ADK: variants seen among roughly 807,000 people sequenced by gnomAD.
The protein encoded by ADK is adenosine kinase, also known as N6,N6-dimethyladenosine kinase.
In ADK, 24 loss-of-function variants were observed where a neutral mutation model predicts 44.7. The observed-to-expected ratio is 0.54, with a 90% CI of 0.39 to 0.76. ADK has a LOEUF of 0.76. ADK is among the 30% of genes least tolerant of loss of function. The probability of loss-of-function intolerance (pLI) is 0.00; values close to 1 mark genes in which losing one functional copy is unlikely to be tolerated. For synonymous variants in ADK, 128 were observed against 142.6 expected, an observed-to-expected ratio of 0.90 and a Z score of 0.73; for missense variants, 321 against 425.1, an observed-to-expected ratio of 0.76 and a Z score of 2.15.
At chr10:74,685,992 C>CG (rs1278495001) in intron 10 of ADK, among the ~76,000 whole-genome samples, 2 of 151,820 alleles carry the variant, frequency 1.3e-5, no homozygotes, top group African/African-American at 4.8e-5. Flanking sequence ...GGTGGTGTCT[C>CG]GCTCTGTTGC....
chr10:74,288,004 GA>G (rs1331300211), intron 3 of ADK, among the ~76,000 whole-genome samples: 7 of 145,186 alleles, frequency 4.8e-5, no homozygotes, highest in South Asian at 4.3e-4. Context: ...AAAAAAAAGA[GA>G]AAAAAAAATT....
chr10:74,662,978 C>T (rs1854799616), intron 9 of ADK, among the ~76,000 whole-genome samples: 1 of 152,034 alleles, frequency 6.6e-6, no homozygotes, highest in Non-Finnish European at 1.5e-5. Context: ...CCTGTAATCC[C>T]AGCACTTTGG....
At chr10:74,269,822 C>A (rs1846358368) in intron 3 of ADK, among the ~76,000 whole-genome samples, 1 of 151,986 alleles carries the variant, frequency 6.6e-6, no homozygotes, top group Non-Finnish European at 1.5e-5. Context: ...CATGGGGAAA[C>A]CCTGTGTCTA....
intron 6 of ADK, among the ~76,000 whole-genome samples, chr10:74,411,979 T>C (rs909060397): frequency 3.3e-5 from 5 of 152,220 alleles, no homozygotes; most frequent in Non-Finnish European, 7.3e-5. Flanking sequence ...TTCTCATCCA[T>C]TCAAGTTTTA....
intron 3 of ADK, among the ~76,000 whole-genome samples, chr10:74,272,350 C>T (rs548133075): frequency 3.2e-4 from 49 of 151,968 alleles, no homozygotes; most frequent in African/African-American, 1.1e-3. Context: ...AATCATGGCT[C>T]CCTGCATGTC....
intron 3 of ADK, among the ~76,000 whole-genome samples, chr10:74,288,831 A>G (rs1471179736): frequency 6.6e-6 from 1 of 152,230 alleles, no homozygotes; most frequent in African/African-American, 2.4e-5. Flanking sequence ...AGTAGAAAAT[A>G]GGATCTAAAA....
intron 7 of ADK, among the ~76,000 whole-genome samples, chr10:74,526,112 C>A (rs577073342): frequency 6.6e-6 from 1 of 152,132 alleles, no homozygotes; most frequent in East Asian, 1.9e-4. Context: ...TTTTAAGTCT[C>A]TTCAGAGTCT....
At chr10:74,600,865 C>T (rs1396702463) in intron 9 of ADK, among the ~76,000 whole-genome samples, 1 of 151,784 alleles carries the variant, frequency 6.6e-6, no homozygotes, top group Non-Finnish European at 1.5e-5. Context: ...AACTAAGTTA[C>T]ATTTTCCATT....
At chr10:74,707,216 T>C (rs1389870976) in intron 10 of ADK, among the ~76,000 whole-genome samples, 1 of 152,034 alleles carries the variant, frequency 6.6e-6, no homozygotes, top group Admixed American at 6.6e-5. Flanking sequence ...TTGTATTTTT[T>C]GTAGAGACAG....
At chr10:74,552,195 A>G (rs1222815392) in intron 7 of ADK, among the ~76,000 whole-genome samples, 2 of 152,122 alleles carry the variant, frequency 1.3e-5, no homozygotes, top group Non-Finnish European at 2.9e-5. Context: ...GAAATATGCC[A>G]CATTTGTCCT....
At chr10:74,170,020 AC>A (rs1366858959) in intron 1 of ADK, among the ~76,000 whole-genome samples, 1 of 152,208 alleles carries the variant, frequency 6.6e-6, no homozygotes, top group African/African-American at 2.4e-5. Context: ...CAGGCCCCTG[AC>A]CTTTACATGG....
At chr10:74,441,820 G>A (rs924082514) in intron 6 of ADK, among the ~76,000 whole-genome samples, 1 of 152,058 alleles carries the variant, frequency 6.6e-6, no homozygotes. Flanking sequence ...ATGATAAAAG[G>A]TTAATTATCC....
intron 3 of ADK, among the ~76,000 whole-genome samples, chr10:74,268,404 C>G (rs1056126590): frequency 1.3e-5 from 2 of 150,854 alleles, no homozygotes; most frequent in Non-Finnish European, 3.0e-5. Context: ...TTTTATTTCA[C>G]TAGAATTTGT....
intron 6 of ADK, among the ~76,000 whole-genome samples, chr10:74,449,014 T>C (rs961605134): frequency 1.3e-5 from 2 of 152,160 alleles, no homozygotes; most frequent in Non-Finnish European, 2.9e-5. Flanking sequence ...TTAGGGAAGA[T>C]AGAGTGAGAA....
intron 9 of ADK, among the ~76,000 whole-genome samples, chr10:74,660,108 C>T (rs1039449182): frequency 6.6e-5 from 10 of 152,102 alleles, no homozygotes; most frequent in African/African-American, 2.4e-4. Context: ...CCTGTAAGTA[C>T]CTGCAAATGC....
intron 6 of ADK, among the ~76,000 whole-genome samples, chr10:74,408,006 G>A (rs528493008): frequency 6.6e-6 from 1 of 151,768 alleles, no homozygotes; most frequent in Admixed American, 6.6e-5. Context: ...TTGAATTTGA[G>A]TCTCAGTCTG....
At chr10:74,517,345 A>G (rs1436423322) in intron 6 of ADK, among the ~76,000 whole-genome samples, 1 of 152,100 alleles carries the variant, frequency 6.6e-6, no homozygotes, top group African/African-American at 2.4e-5. Flanking sequence ...AGAAAAATGG[A>G]CTTCTTCATT....
chr10:74,532,885 A>G (rs1376039845), intron 7 of ADK, among the ~76,000 whole-genome samples: 1 of 132,146 alleles, frequency 7.6e-6, no homozygotes, highest in East Asian at 2.2e-4. Context: ...ATGCCACTGC[A>G]CTCCAGTCTG....
chr10:74,357,460 ATTT>A (rs536915870), intron 4 of ADK, among the ~76,000 whole-genome samples: 3,766 of 134,558 alleles, frequency 0.028, 107 homozygotes, highest in African/African-American at 0.071. Flanking sequence ...ATACCCAGTG[ATTT>A]TTTTTTTTTT....
Sources: allele counts gnomAD v4.1 joint callset (sites outside exome capture counted in the v4.1 genomes callset), GRCh38; gene constraint gnomAD v4.1.1; transcripts MANE v1.5; gene names NCBI Gene and HGNC (gene_info 2026-07-23, HGNC 2026-07-21).